IL1RAPL1: variants seen among roughly 807,000 people sequenced by gnomAD.
IL1RAPL1 encodes interleukin-1 receptor accessory protein-like 1.
Under a neutral mutation model 48.4 loss-of-function variants are expected in IL1RAPL1, and 3 were observed. That is an observed-to-expected ratio of 0.06 (90% CI 0.03 to 0.16). The LOEUF (loss-of-function observed/expected upper bound fraction) is 0.16, where lower values mean the gene tolerates loss of function less well. IL1RAPL1 is among the 10% of genes least tolerant of loss of function. The pLI, the probability that IL1RAPL1 is intolerant of heterozygous loss-of-function variation, is 1.00. For missense variants in IL1RAPL1, 349 were observed against 530.6 expected, an observed-to-expected ratio of 0.66 and a Z score of 3.36; for synonymous variants, 185 against 187.7, an observed-to-expected ratio of 0.99 and a Z score of 0.12.
At chrX:29,617,847 C>G (rs1437425797) in intron 5 of IL1RAPL1, among the ~76,000 whole-genome samples, 1 of 111,941 alleles carries the variant, frequency 8.9e-6, no homozygotes, top group East Asian at 2.8e-4. Flanking sequence ...TCTGTTGTCC[C>G]TTGCCTATTT....
rs1934112577 is a variant in IL1RAPL1 at position 28,608,648 on chromosome X, A to G, written c.-25+20601A>G. ...GGTAGCTGCAACATGTGTACAGCTG[A>G]ATTCTAAGTTTTGCAGGCAGAACAC... On this transcript the variant is annotated intron_variant, in intron 1 of 10. Coordinates refer to ENST00000378993, the MANE Select transcript of IL1RAPL1 (RefSeq NM_014271.4). 2.7e-5 allele frequency among the ~76,000 whole-genome samples: 3 copies of G among 111,814 alleles called. No homozygotes were observed. In the South Asian group the frequency reaches 1.1e-3, roughly 41 times the overall value.
At chrX:29,362,303 T>C (rs1188605973) in intron 3 of IL1RAPL1, among the ~76,000 whole-genome samples, 2 of 112,359 alleles carry the variant, frequency 1.8e-5, no homozygotes, top group African/African-American at 6.5e-5. Flanking sequence ...TTCAGGACTT[T>C]GACATAGTGT....
At chrX:29,261,658 C>T (rs924123000) in intron 2 of IL1RAPL1, among the ~76,000 whole-genome samples, 2 of 110,826 alleles carry the variant, frequency 1.8e-5, no homozygotes, top group Non-Finnish European at 3.8e-5. Context: ...TGCTGCCCAC[C>T]CCTCTAACAG....
chrX:28,874,059 A>G (rs984820251), intron 2 of IL1RAPL1, among the ~76,000 whole-genome samples: 1 of 110,885 alleles, frequency 9.0e-6, no homozygotes, highest in African/African-American at 3.3e-5. Flanking sequence ...GGAAATCCCA[A>G]TATCTGAACA....
At chrX:29,817,378 G>A (rs767270118) in intron 6 of IL1RAPL1, among the ~76,000 whole-genome samples, 10 of 110,692 alleles carry the variant, frequency 9.0e-5, no homozygotes, top group Middle Eastern at 9.5e-3. Context: ...ATTTCTACTC[G>A]TTAACCAATT....
intron 1 of IL1RAPL1, among the ~76,000 whole-genome samples, chrX:28,741,559 G>A (rs1194472043): frequency 1.8e-5 from 2 of 111,698 alleles, no homozygotes; most frequent in Non-Finnish European, 3.8e-5. Context: ...CTTGAAGTAC[G>A]TGCAAATATT....
chrX:28,937,662 C>G (rs1052083479), intron 2 of IL1RAPL1, among the ~76,000 whole-genome samples: 3 of 110,746 alleles, frequency 2.7e-5, no homozygotes, highest in African/African-American at 9.9e-5. Flanking sequence ...TTCATAAATT[C>G]AAGTCCCAGC....
At chrX:29,657,985 C>T (rs1925736247) in intron 5 of IL1RAPL1, among the ~76,000 whole-genome samples, 1 of 110,796 alleles carries the variant, frequency 9.0e-6, no homozygotes, top group African/African-American at 3.3e-5. Context: ...TTTTTCTCAC[C>T]ATTTTTTCTT....
chrX:28,768,814 ATG>A (rs1182947446), intron 1 of IL1RAPL1, among the ~76,000 whole-genome samples: 490 of 44,641 alleles, frequency 0.011, 9 homozygotes, highest in African/African-American at 0.055. Context: ...TATATATATA[ATG>A]TGTGTGTGTA....
intron 5 of IL1RAPL1, among the ~76,000 whole-genome samples, chrX:29,505,476 T>C (rs1036309068): frequency 3.6e-5 from 4 of 111,805 alleles, no homozygotes; most frequent in African/African-American, 1.3e-4. Context: ...GGGAAAAACA[T>C]TATTTCTCAT....
intron 2 of IL1RAPL1, among the ~76,000 whole-genome samples, chrX:28,987,225 C>T (rs1374670995): frequency 8.9e-6 from 1 of 112,279 alleles, no homozygotes; most frequent in East Asian, 2.8e-4. Context: ...AGTAGTCTGC[C>T]TTGCAGAATC....
Position 29,664,552 on chromosome X carries a change from G to T in IL1RAPL1, c.704-3878G>T, listed in dbSNP as rs1925947113. ...TCAATAGTATTTGAGGGATTAGTAT[G>T]TGAAGGATTAAAATTAACTTTTAAA... On this transcript the variant is annotated intron_variant, in intron 5 of 10. Transcript: ENST00000378993. Among the ~76,000 whole-genome samples, 4 of 111,765 alleles carry T rather than the reference G, an allele frequency of 3.6e-5. No individual in the cohort carries two copies. In the Admixed American group the frequency reaches 3.8e-4, roughly 11 times the overall value.
intron 4 of IL1RAPL1, among the ~76,000 whole-genome samples, chrX:29,398,753 T>C (rs1933950311): frequency 8.9e-6 from 1 of 112,286 alleles, no homozygotes; most frequent in Admixed American, 9.5e-5. Context: ...AATTTCAATA[T>C]GGTTGATTTC....
chrX:29,509,277 T>G (rs1217958696), intron 5 of IL1RAPL1, among the ~76,000 whole-genome samples: 1 of 111,941 alleles, frequency 8.9e-6, no homozygotes, highest in Non-Finnish European at 1.9e-5. Flanking sequence ...CTTAAGCCCT[T>G]TTACTAGATT....
At chrX:28,827,217 T>C (rs1328816728) in intron 2 of IL1RAPL1, among the ~76,000 whole-genome samples, 1 of 111,371 alleles carries the variant, frequency 9.0e-6, no homozygotes, top group African/African-American at 3.3e-5. Context: ...TTTATTTAAA[T>C]AATCTCCATT....
At chrX:28,678,829 T>C (rs750331492) in intron 1 of IL1RAPL1, among the ~76,000 whole-genome samples, 14 of 112,348 alleles carry the variant, frequency 1.2e-4, no homozygotes, top group Non-Finnish European at 2.3e-4. Context: ...CAATTGACCA[T>C]TTAAAAATGT....
chrX:28,767,443 A>C (rs1936253581), intron 1 of IL1RAPL1, among the ~76,000 whole-genome samples: 1 of 111,023 alleles, frequency 9.0e-6, no homozygotes, highest in Admixed American at 9.6e-5. Context: ...ATACATAAAT[A>C]GTTGAATAAT....
rs5972731 is a variant in IL1RAPL1, at chrX:29,708,042, A to T, written c.778+39538A>T. Among the ~76,000 whole-genome samples, 513 of 111,245 alleles carry T rather than the reference A, an allele frequency of 4.6e-3. 4 individuals carry two copies. The highest frequency in any genetic ancestry group is 0.016 in the African/African-American group (486 of 30,700). ...ACTCACATATATTTTAAATTTTCTA[A>T]ATTCTTCTTTTCACTCTGAGCTTTT... is the stretch of plus-strand genomic sequence containing the variant. On this transcript the variant is annotated intron_variant, in intron 6 of 10. Transcript: ENST00000378993.
intron 2 of IL1RAPL1, among the ~76,000 whole-genome samples, chrX:28,880,421 A>AT (rs1922474600): frequency 8.9e-6 from 1 of 112,562 alleles, no homozygotes; most frequent in South Asian, 3.6e-4. Context: ...AGGGGCAGAC[A>AT]TGCCACTTTT....
Sources: gnomAD v4.1 joint callset for allele counts (sites outside exome capture counted in the v4.1 genomes callset) on GRCh38, gnomAD v4.1.1 for gene constraint, MANE v1.5 for transcripts, NCBI Gene and HGNC (gene_info 2026-07-23, HGNC 2026-07-21) for gene names.